CRTC1: variants seen among roughly 807,000 people sequenced by gnomAD.
The protein encoded by CRTC1 is CREB-regulated transcription coactivator 1.
In CRTC1, 18 loss-of-function variants were observed where a neutral mutation model predicts 66.1. The observed-to-expected ratio is 0.27, with a 90% CI of 0.19 to 0.40. The LOEUF is 0.40. Ranked by LOEUF, CRTC1 falls within the 10% of genes least tolerant of loss-of-function variation. The pLI, the probability that CRTC1 is intolerant of heterozygous loss-of-function variation, is 1.00. For missense variants in CRTC1, 669 were observed against 887.9 expected (o/e 0.75, Z 3.13); for synonymous variants, 416 against 398.8 (o/e 1.04, Z -0.51).
At chr19:18,762,608 C>T (rs958484132) in intron 8 of CRTC1, among the ~76,000 whole-genome samples, 2 of 152,344 alleles carry the variant, frequency 1.3e-5, no homozygotes, top group East Asian at 3.9e-4. Flanking sequence ...CAGGCCCTGG[C>T]TCCTCCTTCC....
intron 2 of CRTC1, chr19:18,744,195 G>T (rs946963359): frequency 6.3e-7 from 1 of 1,598,632 alleles, no homozygotes; most frequent in Non-Finnish European, 8.5e-7. Flanking sequence ...CGTCCCCGGC[G>T]CCAGCCTGCA....
intron 9 of CRTC1, among the ~76,000 whole-genome samples, chr19:18,766,425 C>T (rs1326560638): frequency 3.3e-5 from 5 of 150,768 alleles, no homozygotes; most frequent in African/African-American, 1.2e-4. Context: ...AGATGTGAGC[C>T]ACCGCGCCTG....
intron 1 of CRTC1, among the ~76,000 whole-genome samples, chr19:18,690,347 C>T (rs890740082): frequency 3.3e-5 from 5 of 152,132 alleles, no homozygotes; most frequent in East Asian, 1.9e-4. Flanking sequence ...GTGTGGAGCC[C>T]GCCCCCCAGT....
At chr19:18,747,424 G>T (rs2054271612) in intron 4 of CRTC1, among the ~76,000 whole-genome samples, 1 of 152,046 alleles carries the variant, frequency 6.6e-6, no homozygotes, top group African/African-American at 2.4e-5. Context: ...ATCACTTGAG[G>T]TCAGGAGTTT....
chr19:18,738,859 C>A (rs975995777), intron 1 of CRTC1, among the ~76,000 whole-genome samples: 1 of 152,216 alleles, frequency 6.6e-6, no homozygotes, highest in Admixed American at 6.5e-5. Flanking sequence ...ACTTGGGGGG[C>A]TGCTTCTTGA....
At chr19:18,742,757 G>A (rs536789101) in intron 1 of CRTC1, among the ~76,000 whole-genome samples, 153 bp from the exon 2 acceptor site, 86 of 152,370 alleles carry the variant, frequency 5.6e-4, no homozygotes, top group Admixed American at 4.6e-4. Flanking sequence ...GGGACACCTG[G>A]TTTCCTTAAG....
intron 1 of CRTC1, among the ~76,000 whole-genome samples, chr19:18,701,804 G>A (rs903941490): frequency 1.3e-5 from 2 of 151,608 alleles, no homozygotes; most frequent in Non-Finnish European, 2.9e-5. Flanking sequence ...TTTTAGTAGA[G>A]ACGGGGTTTC....
intron 1 of CRTC1, among the ~76,000 whole-genome samples, chr19:18,696,424 G>T (rs947971316): frequency 1.3e-5 from 2 of 152,190 alleles, no homozygotes; most frequent in African/African-American, 4.8e-5. Flanking sequence ...GCAGGAACTG[G>T]CCTTGCTAGA....
At chr19:18,733,317 A>C (rs1035518898) in intron 1 of CRTC1, among the ~76,000 whole-genome samples, 2 of 152,082 alleles carry the variant, frequency 1.3e-5, no homozygotes, top group Non-Finnish European at 2.9e-5. Context: ...GGCCCCTGTG[A>C]GCCAGCTGTG....
rs577650898 is a variant in CRTC1 at position 18,769,211 on chromosome 19, C to T, written c.1320+418C>T. On this transcript the variant is annotated intron_variant, in intron 10 of 13. Transcript: ENST00000321949. ...GGAAAGACGAGGCCAGTCCAAGAGG[C>T]GGCAGCCCGTTGGGCACAGCGCCTG... Among the ~76,000 whole-genome samples the T allele has an allele frequency of 5.3e-5, 8 of 152,310 alleles. No individual in the cohort carries two copies. In the East Asian group the frequency reaches 5.8e-4, roughly 11 times the overall value.
chr19:18,726,415 TG>T (rs1036966048), intron 1 of CRTC1, among the ~76,000 whole-genome samples: 4 of 152,194 alleles, frequency 2.6e-5, no homozygotes, highest in Admixed American at 1.3e-4. Context: ...GTGAGAGCCA[TG>T]GGCATCTGCT....
intron 11 of CRTC1, among the ~76,000 whole-genome samples, chr19:18,772,307 A>G (rs1339146766): frequency 2.6e-5 from 4 of 152,134 alleles, no homozygotes; most frequent in African/African-American, 9.7e-5. Flanking sequence ...AGTAGACCCC[A>G]CATTCCATCT....
At chr19:18,688,012 C>T (rs1200737042) in intron 1 of CRTC1, among the ~76,000 whole-genome samples, 2 of 152,062 alleles carry the variant, frequency 1.3e-5, no homozygotes, top group East Asian at 1.9e-4. Flanking sequence ...TGGGGCAGCG[C>T]GTTCATTCCA....
chr19:18,777,588 C>T lies in CRTC1; in HGVS notation c.*206C>T. 3.6e-6 allele frequency: 2 copies of T among 555,810 alleles called. No individual in the cohort carries two copies. The highest frequency in any genetic ancestry group is 2.1e-5 in the South Asian group (1 of 46,558). 34.4% of individuals were successfully genotyped at this position (555,810 alleles called of 1,614,324 possible). ...GCGAGCCGGGCCGTCCACCCACCCG[C>T]CCGCCCAGGGCTGGGCTGGGATCGG... On this transcript the variant is annotated 3_prime_UTR_variant, in exon 14 of 14. Transcript: ENST00000321949. This position sits in a 1 kb window ranked among gnomAD's most constrained non-coding sequence, Gnocchi z 5.5.
Position 18,747,131 on chromosome 19 carries a change from C to T in CRTC1, c.443+17C>T. 6 of 759,314 alleles carry T rather than the reference C, an allele frequency of 7.9e-6. No homozygotes were observed. The highest frequency in any genetic ancestry group is 1.0e-5 in the Non-Finnish European group (5 of 477,756). The allele number at this position is 759,314 out of a possible 1,614,324, so 47.0% of individuals were successfully genotyped here. On this transcript the variant is annotated intron_variant, in intron 4 of 13. Coordinates refer to ENST00000321949, the MANE Select transcript of CRTC1 (RefSeq NM_015321.3). ...CTGGAGAAGGTCAGTGGCTGGACACCCCCCCCCCGCCCCCTTCTTGTTGGA... is the reference window on the plus strand; with the variant it reads ...CTGGAGAAGGTCAGTGGCTGGACACTCCCCCCCCGCCCCCTTCTTGTTGGA...
intron 6 of CRTC1, among the ~76,000 whole-genome samples, chr19:18,756,184 T>C (rs2054481172): frequency 6.6e-6 from 1 of 151,838 alleles, no homozygotes; most frequent in Non-Finnish European, 1.5e-5. Flanking sequence ...ATACAAAAAA[T>C]TAGCCAGGTG....
chr19:18,686,682 A>G (rs1319258548), intron 1 of CRTC1, among the ~76,000 whole-genome samples: 2 of 152,216 alleles, frequency 1.3e-5, no homozygotes, highest in Non-Finnish European at 2.9e-5. Context: ...GAAGATATGC[A>G]GGTGGCAGTT....
At position 18,683,723 on chromosome 19, in the gene CRTC1, G is replaced by A; in HGVS notation, c.21G>A (p.Pro7=). 5.7e-6 allele frequency: 8 copies of A among 1,406,476 alleles called. No homozygotes were observed. The highest frequency in any genetic ancestry group is 7.6e-6 in the Non-Finnish European group (8 of 1,056,242). The allele number at this position is 1,406,476 out of a possible 1,614,324, so 87.1% of individuals were successfully genotyped here. A position where few individuals can be genotyped will look rare whatever the true frequency, so the allele number is the denominator to read the frequency against. ...AGAAGATGGCGACTTCGAACAATCCGCGGAAATTCAGCGAGAAGATCGCGC... is the reference window on the plus strand; with the variant it reads ...AGAAGATGGCGACTTCGAACAATCCACGGAAATTCAGCGAGAAGATCGCGC... MATSNN[P]RKFSEKIALH... is the part of the protein sequence containing the mutation. Residue 7 remains proline (P), a synonymous_variant, in exon 1 of 14, where the codon CCG becomes CCA. Coordinates refer to ENST00000321949, the MANE Select transcript of CRTC1 (RefSeq NM_015321.3).
At chr19:18,693,583 G>C (rs576274138) in intron 1 of CRTC1, among the ~76,000 whole-genome samples, 1 of 148,384 alleles carries the variant, frequency 6.7e-6, no homozygotes, top group East Asian at 2.1e-4. Flanking sequence ...CTGGGTTCAC[G>C]CCCTTCTCCT....
Sources: gnomAD v4.1 joint callset for allele counts (sites outside exome capture counted in the v4.1 genomes callset) on GRCh38, gnomAD v4.1.1 for gene constraint, Gnocchi (gnomAD v3.1) non-coding constraint, MANE v1.5 for transcripts, NCBI Gene and HGNC (gene_info 2026-07-23, HGNC 2026-07-21) for gene names.